C14orf39: variants seen among roughly 807,000 people sequenced by gnomAD.
C14orf39 encodes chromosome 14 open reading frame 39, also known as protein SIX6OS1.
A neutral mutation model predicts 85.6 loss-of-function variants in C14orf39; 66 were observed. The ratio of observed to expected loss-of-function variants is 0.77; its 90% CI spans 0.63 to 0.95. C14orf39 has a LOEUF of 0.95. Among genes scored for constraint, C14orf39 ranks in the 40% least tolerant of loss-of-function variants. C14orf39 has a pLI of 0.00. For synonymous variants in C14orf39, 242 were observed against 214.0 expected (o/e 1.13, Z -1.14); for missense variants, 735 against 663.9 (o/e 1.11, Z -1.18).
At chr14:60,468,883 T>C (rs1209991378) in intron 8 of C14orf39, among the ~76,000 whole-genome samples, 1 of 151,574 alleles carries the variant, frequency 6.6e-6, no homozygotes, top group Admixed American at 6.6e-5. Flanking sequence ...AAAATGATAT[T>C]ACTGTTATTT....
intron 5 of C14orf39, among the ~76,000 whole-genome samples, chr14:60,475,078 G>T (rs1034674990): frequency 2.0e-5 from 3 of 152,068 alleles, no homozygotes; most frequent in Non-Finnish European, 2.9e-5. Context: ...CAATTTCAGA[G>T]CCTGTTATTG....
chr14:60,473,041 T>A (rs1322644033), intron 5 of C14orf39, among the ~76,000 whole-genome samples: 1 of 152,206 alleles, frequency 6.6e-6, no homozygotes, highest in Admixed American at 6.6e-5. Flanking sequence ...AGTGTTCCTA[T>A]TTCCCCACAT....
chr14:60,499,813 C>G (rs1453350224), intron 1 of C14orf39, among the ~76,000 whole-genome samples: 1 of 152,122 alleles, frequency 6.6e-6, no homozygotes, highest in African/African-American at 2.4e-5. Flanking sequence ...TTGAAGTGAC[C>G]TTACATATGA....
At chr14:60,453,106 G>T (rs923689278) in intron 16 of C14orf39, among the ~76,000 whole-genome samples, 4 of 152,016 alleles carry the variant, frequency 2.6e-5, no homozygotes, top group Admixed American at 2.6e-4. Context: ...TCTTATTAAA[G>T]ATCTTTACTG....
intron 16 of C14orf39, among the ~76,000 whole-genome samples, chr14:60,445,554 G>T (rs938182961): frequency 6.6e-6 from 1 of 152,152 alleles, no homozygotes; most frequent in Admixed American, 6.5e-5. Flanking sequence ...GGAGCACCCA[G>T]ATTCATAAAG....
intron 11 of C14orf39, among the ~76,000 whole-genome samples, chr14:60,465,609 A>G (rs1891745633): frequency 6.6e-6 from 1 of 152,088 alleles, no homozygotes; most frequent in Non-Finnish European, 1.5e-5. Context: ...GTAGAACGGT[A>G]TTCTCCTATG....
intron 1 of C14orf39, chr14:60,509,605 G>C (rs764765669): frequency 1.9e-6 from 3 of 1,613,582 alleles, no homozygotes; most frequent in Non-Finnish European, 2.5e-6. Context: ...ACTACCGCGA[G>C]CTCTATCATA....
chr14:60,478,452 T>TAA, intron 4 of C14orf39, 63 bp from the exon 5 acceptor site: 1 of 774,714 alleles, frequency 1.3e-6, no homozygotes, highest in South Asian at 2.3e-5. Context: ...ATAGAGATAA[T>TAA]AAAAAAAAGA....
intron 5 of C14orf39, among the ~76,000 whole-genome samples, chr14:60,474,491 G>A (rs2140133988): frequency 7.8e-6 from 1 of 129,024 alleles, no homozygotes; most frequent in Non-Finnish European, 1.7e-5. Context: ...TTTTCAAAGG[G>A]AATGCTTCCA....
chr14:60,438,141 T>C (rs1226085926), intron 17 of C14orf39, among the ~76,000 whole-genome samples: 1 of 151,974 alleles, frequency 6.6e-6, no homozygotes, highest in African/African-American at 2.4e-5. Context: ...GTTTCATAAA[T>C]TTTTTAACTT....
chr14:60,513,791 C>A (rs1893326631), intron 1 of C14orf39, among the ~76,000 whole-genome samples: 1 of 152,178 alleles, frequency 6.6e-6, no homozygotes, highest in Non-Finnish European at 1.5e-5. Flanking sequence ...ACTAAGCTTT[C>A]TCTTTACAAA....
intron 2 of C14orf39, chr14:60,494,209 C>A: frequency 4.1e-6 from 1 of 245,594 alleles, no homozygotes; most frequent in Non-Finnish European, 8.4e-6. Context: ...TGAACAAAAA[C>A]AAGAACATCC....
chr14:60,453,723 TC>T (rs2140062904), intron 16 of C14orf39, among the ~76,000 whole-genome samples: 1 of 151,856 alleles, frequency 6.6e-6, no homozygotes, highest in East Asian at 1.9e-4. Flanking sequence ...TTGACCACTT[TC>T]CCCCAGGACA....
intron 9 of C14orf39, among the ~76,000 whole-genome samples, chr14:60,467,331 C>T (rs1566669959): frequency 6.6e-6 from 1 of 151,746 alleles, no homozygotes; most frequent in South Asian, 2.1e-4. Context: ...ATGTCAAAAA[C>T]ATTTTAAGCC....
chr14:60,454,931 A>AGACTGCCC, intron 16 of C14orf39, 70 bp downstream of exon 16: 1 of 1,247,208 alleles, frequency 8.0e-7, no homozygotes, highest in Non-Finnish European at 1.1e-6. Context: ...GTTTTGTATT[A>AGACTGCCC]AAGAACTAAA....
intron 11 of C14orf39, among the ~76,000 whole-genome samples, chr14:60,462,569 T>C (rs1446129368): frequency 1.3e-5 from 2 of 152,084 alleles, no homozygotes; most frequent in Non-Finnish European, 2.9e-5. Flanking sequence ...ATAACAGACA[T>C]TGATCTTAAT....
rs1340770588 is a variant in C14orf39, at chr14:60,515,278, C to G, written c.-144+117G>C. 6.6e-6 allele frequency: 1 copy of G among 151,892 alleles called. No individual in the cohort carries two copies. Among genetic ancestry groups the G allele is most frequent in the Non-Finnish European group, 1.5e-5 (1 of 67,926 alleles). 9.4% of individuals were successfully genotyped at this position (151,892 alleles called of 1,614,324 possible). A position where few individuals can be genotyped will look rare whatever the true frequency, so the allele number is the denominator to read the frequency against. On this transcript the variant is annotated intron_variant, in intron 1 of 5. Transcript: ENST00000556799. This position sits in a 1 kb window ranked among gnomAD's most constrained non-coding sequence, Gnocchi z 6.2. ...CACGGTCCGCTCCCAAAGAGAAGCC[C>G]AGACTGGGCCCACAGTACCCGGGAA... is the stretch of plus-strand genomic sequence containing the variant.
At chr14:60,511,194 G>A (rs757206532) in intron 1 of C14orf39, 3 of 1,612,992 alleles carry the variant, frequency 1.9e-6, no homozygotes, top group African/African-American at 1.3e-5. Flanking sequence ...AGTCTATCCA[G>A]CAAGGCGGCC....
chr14:60,492,556 T>C (rs1433347155), intron 2 of C14orf39, among the ~76,000 whole-genome samples: 1 of 151,798 alleles, frequency 6.6e-6, no homozygotes, highest in African/African-American at 2.4e-5. Flanking sequence ...AGTGGATTGC[T>C]TGAGTTCGAG....
Sources: gnomAD v4.1 joint callset for allele counts (sites outside exome capture counted in the v4.1 genomes callset) on GRCh38, gnomAD v4.1.1 for gene constraint, Gnocchi (gnomAD v3.1) non-coding constraint, MANE v1.5 for transcripts, NCBI Gene and HGNC (gene_info 2026-07-23, HGNC 2026-07-21) for gene names.